Variants in CALB1 observed in about 807,000 individuals in gnomAD.
CALB1 encodes the protein calbindin.
A neutral mutation model predicts 46.7 loss-of-function variants in CALB1; 16 were observed. The ratio of observed to expected loss-of-function variants is 0.34; its 90% CI spans 0.23 to 0.52. The LOEUF (loss-of-function observed/expected upper bound fraction) is 0.52, where lower values mean the gene tolerates loss of function less well. CALB1 is among the 20% of genes least tolerant of loss of function. The pLI, the probability that CALB1 is intolerant of heterozygous loss-of-function variation, is 0.95. For missense variants in CALB1, 224 were observed against 300.3 expected, an observed-to-expected ratio of 0.75 and a Z score of 1.88; for synonymous variants, 90 against 112.8, an observed-to-expected ratio of 0.80 and a Z score of 1.28.
Position 90,082,784 on chromosome 8 carries a change from G to T in CALB1, c.-87C>A. On this transcript the variant is annotated 5_prime_UTR_variant, in exon 1 of 11. Transcript: ENST00000265431. ...GAGTGAGCAAAAGCTCAGCGTGTGC[G>T]CGAGTCAGGGCTGCGGAGGGAGACC... The T allele has an allele frequency of 1.5e-6, 2 of 1,297,542 alleles. No individual in the cohort carries two copies. Among genetic ancestry groups the T allele is most frequent in the Non-Finnish European group, 2.2e-6 (2 of 893,462 alleles). The allele number at this position is 1,297,542 out of a possible 1,614,324, so 80.4% of individuals were successfully genotyped here.
intron 3 of CALB1, among the ~76,000 whole-genome samples, chr8:90,070,861 T>TGAGA (rs1554578987): frequency 6.7e-6 from 1 of 149,842 alleles, no homozygotes; most frequent in African/African-American, 2.5e-5. Context: ...TGTGTGTGTG[T>TGAGA]GTGTGTGTGT....
intron 5 of CALB1, among the ~76,000 whole-genome samples, chr8:90,068,494 G>A (rs1470305947): frequency 1.3e-5 from 2 of 152,308 alleles, no homozygotes; most frequent in South Asian, 2.1e-4. Flanking sequence ...GGCTCTGTCC[G>A]ATTTCTGTGT....
chr8:90,065,849 A>C, intron 6 of CALB1, 49 bp downstream of exon 6: 1 of 1,197,880 alleles, frequency 8.3e-7, no homozygotes, highest in Non-Finnish European at 1.2e-6. Context: ...CAAGAACATC[A>C]TACTACTTCA....
intron 2 of CALB1, chr8:90,081,438 T>A (rs1207848054): frequency 6.1e-6 from 6 of 977,406 alleles, no homozygotes; most frequent in Non-Finnish European, 7.3e-6. Context: ...CAAGATGTTT[T>A]CTCATCTCCC....
intron 3 of CALB1, among the ~76,000 whole-genome samples, chr8:90,072,279 T>G (rs1385006543): frequency 6.6e-6 from 1 of 152,238 alleles, no homozygotes; most frequent in African/African-American, 2.4e-5. Context: ...CACATAAAGT[T>G]GAGAGGTCTC....
chr8:90,070,667 GT>G (rs1384708606), intron 3 of CALB1, among the ~76,000 whole-genome samples: 3 of 152,064 alleles, frequency 2.0e-5, no homozygotes, highest in Non-Finnish European at 4.4e-5. Context: ...ATGTCAACAT[GT>G]TTAATATGAC....
At chr8:90,078,298 A>G in intron 3 of CALB1, 75 bp downstream of exon 3, 1 of 870,066 alleles carries the variant, frequency 1.1e-6, no homozygotes. Flanking sequence ...GCTATATCTT[A>G]CTTGACTTGA....
At chr8:90,082,330 A>G in intron 1 of CALB1, 2 of 602,762 alleles carry the variant, frequency 3.3e-6, no homozygotes, top group Non-Finnish European at 5.9e-6. Context: ...GCAGCCACAG[A>G]AACTTTGGGG....
At chr8:90,079,866 A>G (rs752070134) in intron 2 of CALB1, among the ~76,000 whole-genome samples, 6 of 152,016 alleles carry the variant, frequency 3.9e-5, no homozygotes, top group Non-Finnish European at 7.4e-5. Flanking sequence ...AAGCCAAACA[A>G]TGTTTCCATT....
At chr8:90,061,341 T>A (rs1344492156) in intron 9 of CALB1, 2 of 152,154 alleles carry the variant, frequency 1.3e-5, no homozygotes, top group African/African-American at 4.8e-5. Context: ...AAGGAGTTAT[T>A]TGTGTAATTT....
chr8:90,080,024 A>G (rs866832106), intron 2 of CALB1, among the ~76,000 whole-genome samples: 2 of 151,982 alleles, frequency 1.3e-5, no homozygotes, highest in African/African-American at 4.8e-5. Context: ...TGTATCTACT[A>G]TATGAAACTC....
At chr8:90,072,252 TAAAAGTTC>T (rs1814538660) in intron 3 of CALB1, among the ~76,000 whole-genome samples, 1 of 152,212 alleles carries the variant, frequency 6.6e-6, no homozygotes, top group Non-Finnish European at 1.5e-5. Flanking sequence ...TGTTTCAACA[TAAAAGTTC>T]ATGTAACTCA....
chr8:90,080,148 A>T (rs1026992451), intron 2 of CALB1, among the ~76,000 whole-genome samples: 4 of 151,992 alleles, frequency 2.6e-5, no homozygotes, highest in African/African-American at 9.6e-5. Context: ...CAAGGTATTA[A>T]GCAACTTGAT....
In CALB1 at chr8:90,078,447, C is replaced by T; in HGVS notation, c.157G>A (p.Glu53Lys). ...LQQARKKAGL[E>K]LSPEMKTFVD... ...AAAGTTTTCATTTCAGGTGATAACT[C>T]CTAAAATTATATAAAAGCAGGTAGG... is the stretch of plus-strand genomic sequence containing the variant. The change falls in exon 3 of 11, where the codon GAG becomes AAG. Residue 53 changes from glutamate to lysine, a missense_variant and splice_region_variant. Coordinates refer to ENST00000265431, the MANE Select transcript of CALB1 (RefSeq NM_004929.4). The T allele has an allele frequency of 6.6e-7, 1 of 1,525,452 alleles. No individual in the cohort carries two copies. Among genetic ancestry groups the T allele is most frequent in the Non-Finnish European group, 9.0e-7 (1 of 1,112,896 alleles). 94.5% of individuals were successfully genotyped at this position (1,525,452 alleles called of 1,614,324 possible).
intron 5 of CALB1, among the ~76,000 whole-genome samples, chr8:90,067,965 C>T (rs1274924488): frequency 2.6e-5 from 4 of 152,156 alleles, no homozygotes; most frequent in African/African-American, 9.7e-5. Flanking sequence ...GCACCTTGTA[C>T]TCTGCCTGAC....
At chr8:90,080,782 T>G (rs1312541533) in intron 2 of CALB1, among the ~76,000 whole-genome samples, 1 of 152,106 alleles carries the variant, frequency 6.6e-6, no homozygotes, top group African/African-American at 2.4e-5. Flanking sequence ...TTTAGAGCCC[T>G]CTGGGATTCT....
chr8:90,079,977 A>T lies in CALB1; in HGVS notation c.157-1530T>A, dbSNP rs575730620. On this transcript the variant is annotated intron_variant, in intron 2 of 10. Transcript: ENST00000265431. ...AGAAAGAGAAGAAATATATACAAGTAGGTTTAATGCAATGAAGTTAGTAGT... is the reference window on the plus strand; with the variant it reads ...AGAAAGAGAAGAAATATATACAAGTTGGTTTAATGCAATGAAGTTAGTAGT... 1.4e-4 allele frequency among the ~76,000 whole-genome samples: 21 copies of T among 152,090 alleles called. No homozygotes were observed. The South Asian group carries it at 3.3e-3, about 24-fold the overall frequency.
chr8:90,075,229 G>T (rs748552433), intron 3 of CALB1, among the ~76,000 whole-genome samples: 1 of 152,174 alleles, frequency 6.6e-6, no homozygotes, highest in Non-Finnish European at 1.5e-5. Flanking sequence ...AACTTTGAAA[G>T]TTAACCATTA....
At chr8:90,072,100 T>C (rs1385589890) in intron 3 of CALB1, among the ~76,000 whole-genome samples, 2 of 152,210 alleles carry the variant, frequency 1.3e-5, no homozygotes, top group Non-Finnish European at 2.9e-5. Context: ...ATAATTAGTG[T>C]GTGTTGCTTT....
Sources: allele counts gnomAD v4.1 joint callset (sites outside exome capture counted in the v4.1 genomes callset), GRCh38; gene constraint gnomAD v4.1.1; transcripts MANE v1.5; gene names NCBI Gene and HGNC (gene_info 2026-07-23, HGNC 2026-07-21).